Variants in CSGALNACT1 observed in about 807,000 individuals in gnomAD.
The protein encoded by CSGALNACT1 is beta4GalNAcT-1.
A neutral mutation model predicts 51.0 loss-of-function variants in CSGALNACT1; 52 were observed. That is an observed-to-expected ratio of 1.02 (90% CI 0.82 to 1.29). CSGALNACT1 has a LOEUF of 1.29. Among genes scored for constraint, CSGALNACT1 ranks in the 50% most tolerant of loss-of-function variants. CSGALNACT1 has a pLI of 0.00. For missense variants in CSGALNACT1, 935 were observed against 679.2 expected, an observed-to-expected ratio of 1.38 and a Z score of -4.19; for synonymous variants, 341 against 254.4, an observed-to-expected ratio of 1.34 and a Z score of -3.24.
intron 4 of CSGALNACT1, among the ~76,000 whole-genome samples, chr8:19,479,662 A>C (rs1010710885): frequency 5.9e-5 from 9 of 152,014 alleles, no homozygotes; most frequent in East Asian, 1.9e-4. Flanking sequence ...GTTCATGCAG[A>C]TACACAGAAA....
At chr8:19,679,784 G>C (rs2060462360) in intron 1 of CSGALNACT1, among the ~76,000 whole-genome samples, 1 of 152,150 alleles carries the variant, frequency 6.6e-6, no homozygotes, top group Non-Finnish European at 1.5e-5. Context: ...ACATACAAGA[G>C]GGTGGAAGAG....
chr8:19,677,358 A>C (rs1589451662), intron 1 of CSGALNACT1, among the ~76,000 whole-genome samples: 3 of 152,064 alleles, frequency 2.0e-5, no homozygotes, highest in Admixed American at 2.0e-4. Context: ...TCATCCTCCC[A>C]CCTCGGCCTC....
chr8:19,599,288 G>A (rs1050922982), intron 2 of CSGALNACT1, among the ~76,000 whole-genome samples: 12 of 151,764 alleles, frequency 7.9e-5, no homozygotes, highest in Admixed American at 6.6e-4. Flanking sequence ...GGTAGGGAGA[G>A]GCAGGAAATA....
At chr8:19,656,497 C>A (rs1184094781) in intron 1 of CSGALNACT1, among the ~76,000 whole-genome samples, 1 of 151,814 alleles carries the variant, frequency 6.6e-6, no homozygotes, top group Non-Finnish European at 1.5e-5. Flanking sequence ...AGAGGCCCCA[C>A]AGGTAAATAT....
At chr8:19,517,692 C>T (rs1430149957) in intron 3 of CSGALNACT1, among the ~76,000 whole-genome samples, 1 of 152,068 alleles carries the variant, frequency 6.6e-6, no homozygotes, top group East Asian at 1.9e-4. Context: ...AGAATGAGAG[C>T]CAAGCCAAAG....
chr8:19,418,279 C>A (rs1028869614), intron 8 of CSGALNACT1, among the ~76,000 whole-genome samples: 5 of 152,092 alleles, frequency 3.3e-5, no homozygotes, highest in Admixed American at 3.3e-4. Context: ...GGGTGAGCCA[C>A]CCCATTCTGA....
intron 1 of CSGALNACT1, among the ~76,000 whole-genome samples, chr8:19,701,442 C>G (rs2154220206): frequency 6.6e-6 from 1 of 152,244 alleles, no homozygotes; most frequent in South Asian, 2.1e-4. Context: ...GTGTGAGCCA[C>G]TGCACCAAGC....
At chr8:19,652,045 C>A (rs1326265257) in intron 1 of CSGALNACT1, among the ~76,000 whole-genome samples, 1 of 152,088 alleles carries the variant, frequency 6.6e-6, no homozygotes, top group Non-Finnish European at 1.5e-5. Flanking sequence ...ATCCCCTGCT[C>A]CAGCCTCCTG....
At chr8:19,457,720 C>T (rs779034327) in intron 5 of CSGALNACT1, 5 of 1,340,784 alleles carry the variant, frequency 3.7e-6, no homozygotes, top group Non-Finnish European at 3.9e-6. Context: ...TGGTTATCCT[C>T]AGCCAATATG....
rs1362912662 is a variant in CSGALNACT1 at position 19,542,290 on chromosome 8, AT to A, written c.-296-36161del. Reference sequence around the variant, plus strand: ...TTAAGCTCAAAGGAAAGCCATTGAAATTCCCTATAAAGAAAACACTGTCCGT... The same window carrying A: ...TTAAGCTCAAAGGAAAGCCATTGAAATCCCTATAAAGAAAACACTGTCCGT... On this transcript the variant is annotated intron_variant, in intron 3 of 9. Transcript: ENST00000454498. Among the ~76,000 whole-genome samples, 3 of 152,042 alleles carry A rather than the reference AT, an allele frequency of 2.0e-5. No individual in the cohort carries two copies. The East Asian group carries it at 5.8e-4, about 29-fold the overall frequency.
intron 4 of CSGALNACT1, among the ~76,000 whole-genome samples, chr8:19,482,629 C>A (rs1304876172): frequency 1.3e-5 from 2 of 152,080 alleles, no homozygotes; most frequent in African/African-American, 4.8e-5. Context: ...TTGGCTGTTC[C>A]TTTATAATTT....
chr8:19,540,655 C>G (rs1282168433), intron 3 of CSGALNACT1, among the ~76,000 whole-genome samples: 1 of 152,190 alleles, frequency 6.6e-6, no homozygotes, highest in Admixed American at 6.5e-5. Flanking sequence ...TGCCTCAACT[C>G]TCAGCCCTTA....
intron 8 of CSGALNACT1, among the ~76,000 whole-genome samples, chr8:19,416,250 G>T (rs1017960045): frequency 6.6e-6 from 1 of 151,720 alleles, no homozygotes. Flanking sequence ...GAGTAGTTGG[G>T]ATTACAGGCG....
At chr8:19,568,552 C>T (rs1176959468) in intron 3 of CSGALNACT1, among the ~76,000 whole-genome samples, 3 of 152,062 alleles carry the variant, frequency 2.0e-5, no homozygotes, top group Non-Finnish European at 2.9e-5. Flanking sequence ...TTTCCATACT[C>T]AGTACTATAT....
chr8:19,436,784 G>C (rs2060453505), intron 6 of CSGALNACT1, among the ~76,000 whole-genome samples: 1 of 152,116 alleles, frequency 6.6e-6, no homozygotes, highest in South Asian at 2.1e-4. Flanking sequence ...GGTGGCACAT[G>C]CTTGTAGTCC....
intron 3 of CSGALNACT1, among the ~76,000 whole-genome samples, chr8:19,590,055 C>T (rs2047465430): frequency 6.6e-6 from 1 of 152,178 alleles, no homozygotes; most frequent in South Asian, 2.1e-4. Flanking sequence ...ATTGTCACAT[C>T]CTACCAATTA....
intron 6 of CSGALNACT1, among the ~76,000 whole-genome samples, chr8:19,429,917 C>T (rs933059582): frequency 7.9e-5 from 12 of 152,300 alleles, no homozygotes; most frequent in African/African-American, 9.6e-5. Flanking sequence ...ACAGCCATCC[C>T]GGTGAGTGTA....
intron 1 of CSGALNACT1, among the ~76,000 whole-genome samples, chr8:19,632,111 G>A (rs907141306): frequency 2.0e-5 from 3 of 152,184 alleles, no homozygotes; most frequent in African/African-American, 7.2e-5. Flanking sequence ...CTCTACAAAG[G>A]TTTGGAAAAC....
chr8:19,560,158 T>C (rs1318728318), intron 3 of CSGALNACT1, among the ~76,000 whole-genome samples: 5 of 152,128 alleles, frequency 3.3e-5, no homozygotes, highest in Non-Finnish European at 7.4e-5. Flanking sequence ...ACAAAGAGGG[T>C]GAAGTGGTTT....
Sources: allele counts gnomAD v4.1 joint callset (sites outside exome capture counted in the v4.1 genomes callset), GRCh38; gene constraint gnomAD v4.1.1; transcripts MANE v1.5; gene names NCBI Gene and HGNC (gene_info 2026-07-23, HGNC 2026-07-21).